EEIG2: variants seen among roughly 807,000 people sequenced by gnomAD.
The protein encoded by EEIG2 is family with sequence similarity 102 member B.
the EEIG2 span, among the ~76,000 whole-genome samples, chr1:108,619,664 G>T: frequency 6.6e-6 from 1 of 152,160 alleles, no homozygotes; most frequent in Non-Finnish European, 1.5e-5. Flanking sequence ...AGGCAGGTGG[G>T]TCACTTGAGT....
the EEIG2 span, among the ~76,000 whole-genome samples, chr1:108,602,748 C>T: frequency 8.6e-3 from 1,303 of 152,084 alleles, 8 homozygotes; most frequent in Non-Finnish European, 0.014. Context: ...GGTATGGTGG[C>T]ACTCACTTGT....
chr1:108,564,844 G>A, the EEIG2 span, among the ~76,000 whole-genome samples: 1 of 152,084 alleles, frequency 6.6e-6, no homozygotes, highest in Non-Finnish European at 1.5e-5. Flanking sequence ...CTACTCAGGA[G>A]GCTGAGGTAG....
the EEIG2 span, chr1:108,628,927 A>T: frequency 1.0e-5 from 8 of 786,694 alleles, no homozygotes; most frequent in Admixed American, 8.8e-5. Context: ...AGTAAATTTC[A>T]TGCCCATAAA....
At chr1:108,614,592 T>G in the EEIG2 span, among the ~76,000 whole-genome samples, 6 of 152,164 alleles carry the variant, frequency 3.9e-5, no homozygotes, top group African/African-American at 1.4e-4. Flanking sequence ...TCCCGCCTTA[T>G]CCTTTTTGTC....
the EEIG2 span, among the ~76,000 whole-genome samples, chr1:108,592,857 G>C: frequency 1.3e-5 from 2 of 152,106 alleles, no homozygotes; most frequent in Non-Finnish European, 2.9e-5. Flanking sequence ...TAAGAAGTTT[G>C]GGCTGGGTGT....
At chr1:108,613,214 G>A in the EEIG2 span, among the ~76,000 whole-genome samples, 1 of 152,198 alleles carries the variant, frequency 6.6e-6, no homozygotes, top group Admixed American at 6.5e-5. Context: ...TACACATCAT[G>A]TTGATTGCAT....
chr1:108,599,728 A>G, the EEIG2 span, among the ~76,000 whole-genome samples: 1 of 152,208 alleles, frequency 6.6e-6, no homozygotes, highest in Non-Finnish European at 1.5e-5. Context: ...GACGAGGCTC[A>G]CGCCTATGAT....
At chr1:108,595,598 T>C in the EEIG2 span, among the ~76,000 whole-genome samples, 1 of 122,534 alleles carries the variant, frequency 8.2e-6, no homozygotes, top group African/African-American at 3.2e-5. Context: ...GAGGGAGATG[T>C]AGTAGCTTTT....
the EEIG2 span, chr1:108,560,380 G>T: frequency 9.3e-5 from 139 of 1,487,878 alleles, no homozygotes; most frequent in Non-Finnish European, 1.2e-4. Context: ...CCAAGCTGAG[G>T]CGGCGGCGCC....
the EEIG2 span, among the ~76,000 whole-genome samples, chr1:108,610,466 G>A: frequency 1.3e-5 from 2 of 152,182 alleles, no homozygotes; most frequent in Admixed American, 6.5e-5. Context: ...AGCAGAGAGT[G>A]AGGATGAGAA....
the EEIG2 span, among the ~76,000 whole-genome samples, chr1:108,604,090 C>G: frequency 6.6e-6 from 1 of 152,174 alleles, no homozygotes; most frequent in Admixed American, 6.5e-5. Context: ...ACCACAGATT[C>G]AGAAGTACTG....
chr1:108,562,302 T>C, the EEIG2 span, among the ~76,000 whole-genome samples: 3 of 152,278 alleles, frequency 2.0e-5, no homozygotes, highest in East Asian at 5.8e-4. Flanking sequence ...CTAATGACTT[T>C]AATGAGCAAG....
the EEIG2 span, among the ~76,000 whole-genome samples, chr1:108,632,438 G>C: frequency 1.3e-5 from 2 of 152,148 alleles, no homozygotes; most frequent in African/African-American, 4.8e-5. Flanking sequence ...GCAGGGAAGT[G>C]ACCTATCAGA....
the EEIG2 span, among the ~76,000 whole-genome samples, chr1:108,577,814 A>C: frequency 6.7e-6 from 1 of 148,600 alleles, no homozygotes; most frequent in Admixed American, 6.9e-5. Flanking sequence ...ACTTTAAAGT[A>C]GTTTTTTCCA....
At chr1:108,607,960 C>T in the EEIG2 span, among the ~76,000 whole-genome samples, 5 of 152,146 alleles carry the variant, frequency 3.3e-5, no homozygotes, top group Admixed American at 3.3e-4. Flanking sequence ...TCATATCGTT[C>T]CCCCATTTTT....
the EEIG2 span, chr1:108,616,369 G>A: frequency 3.8e-6 from 6 of 1,569,138 alleles, no homozygotes; most frequent in East Asian, 2.3e-5. Context: ...GATATTTCTT[G>A]TTTTATATTT....
At chr1:108,611,778 T>C in the EEIG2 span, among the ~76,000 whole-genome samples, 1 of 152,212 alleles carries the variant, frequency 6.6e-6, no homozygotes, top group African/African-American at 2.4e-5. Flanking sequence ...CATTCTTCTC[T>C]ATGTGTATGC....
the EEIG2 span, among the ~76,000 whole-genome samples, chr1:108,614,280 A>G: frequency 6.6e-6 from 1 of 150,426 alleles, no homozygotes; most frequent in South Asian, 2.1e-4. Flanking sequence ...ATAATCCCCA[A>G]CTTTTGTTAA....
the EEIG2 span, among the ~76,000 whole-genome samples, chr1:108,600,208 C>A: frequency 1.3e-5 from 2 of 152,258 alleles, no homozygotes; most frequent in South Asian, 2.1e-4. Context: ...TGAATATAAT[C>A]CCTACAAGGT....
Sources: gnomAD v4.1 joint callset for allele counts (sites outside exome capture counted in the v4.1 genomes callset) on GRCh38, gnomAD v4.1.1 for gene constraint, MANE v1.5 for transcripts, NCBI Gene and HGNC (gene_info 2026-07-23, HGNC 2026-07-21) for gene names.